Variants in GRK5 observed in about 807,000 individuals in gnomAD.
GRK5 encodes the protein g protein-coupled receptor kinase GRK5.
GRK5 carries 40 observed loss-of-function variants against 78.4 expected under a neutral mutation model. The ratio of observed to expected loss-of-function variants is 0.51; its 90% confidence interval spans 0.40 to 0.66. GRK5 has a LOEUF of 0.66. Ranked by LOEUF, GRK5 falls within the 30% of genes least tolerant of loss-of-function variation. GRK5 has a pLI of 0.00. For missense variants in GRK5, 598 were observed against 759.9 expected, an observed-to-expected ratio of 0.79 and a Z score of 2.50; for synonymous variants, 289 against 296.8, an observed-to-expected ratio of 0.97 and a Z score of 0.27.
intron 3 of GRK5, among the ~76,000 whole-genome samples, chr10:119,382,976 C>T (rs1851737734): frequency 6.6e-6 from 1 of 151,946 alleles, no homozygotes; most frequent in Non-Finnish European, 1.5e-5. Flanking sequence ...GGCTGGAGTA[C>T]AGTGGTGCGA....
At chr10:119,433,261 G>A (rs889104523) in intron 8 of GRK5, among the ~76,000 whole-genome samples, 15 of 152,094 alleles carry the variant, frequency 9.9e-5, no homozygotes, top group African/African-American at 1.9e-4. Context: ...TTTCAGCTGC[G>A]GGCCTTCTTG....
At chr10:119,256,053 A>G (rs143869676) in intron 1 of GRK5, among the ~76,000 whole-genome samples, 1 of 152,126 alleles carries the variant, frequency 6.6e-6, no homozygotes, top group Non-Finnish European at 1.5e-5. Context: ...TAGTTATTCA[A>G]GCAAACCAGT....
intron 1 of GRK5, among the ~76,000 whole-genome samples, chr10:119,302,637 G>T (rs1229530308): frequency 2.6e-5 from 4 of 152,186 alleles, no homozygotes; most frequent in African/African-American, 9.7e-5. Context: ...GGTTTGTCAG[G>T]CCTCAAGCCA....
intron 4 of GRK5, among the ~76,000 whole-genome samples, chr10:119,421,464 C>T (rs574125898): frequency 1.3e-5 from 2 of 152,342 alleles, no homozygotes; most frequent in Admixed American, 6.5e-5. Flanking sequence ...GGTCAGAGGC[C>T]GGGCCAGAGC....
In GRK5 at chr10:119,331,014, C is replaced by T. The variant is rs146225285; in HGVS notation, c.148+4403C>T. Among the ~76,000 whole-genome samples the T allele has an allele frequency of 2.8e-3, 424 of 152,308 alleles. 4 individuals are homozygous for T. Among genetic ancestry groups the T allele is most frequent in the Middle Eastern group, 0.01 (3 of 294 alleles). On this transcript the variant is annotated intron_variant, in intron 2 of 15. Coordinates refer to ENST00000392870, the MANE Select transcript of GRK5 (RefSeq NM_005308.3). ...AAGCTTCCAGGCATTGCCCTGGGAG[C>T]ACCTGAGTGTCCCTCAGCTTCCAGT... is the stretch of plus-strand genomic sequence containing the variant.
intron 1 of GRK5, among the ~76,000 whole-genome samples, chr10:119,302,583 A>C (rs971927325): frequency 6.6e-6 from 1 of 152,126 alleles, no homozygotes; most frequent in Non-Finnish European, 1.5e-5. Flanking sequence ...CCACATTTCT[A>C]CCTGCTCCCC....
At chr10:119,454,712 C>T (rs1256891916) in intron 15 of GRK5, among the ~76,000 whole-genome samples, 3 of 152,216 alleles carry the variant, frequency 2.0e-5, no homozygotes, top group Non-Finnish European at 4.4e-5. Flanking sequence ...AGCGTAACCC[C>T]ATGCCTGCAG....
At chr10:119,308,244 A>G (rs573572469) in intron 1 of GRK5, among the ~76,000 whole-genome samples, 91 of 152,266 alleles carry the variant, frequency 6.0e-4, no homozygotes, top group African/African-American at 2.2e-3. Flanking sequence ...GATCAGGGTC[A>G]GGCCCCCATC....
At chr10:119,446,545 C>T (rs1422400392) in intron 12 of GRK5, among the ~76,000 whole-genome samples, 1 of 150,082 alleles carries the variant, frequency 6.7e-6, no homozygotes, top group African/African-American at 2.4e-5. Context: ...GGAGACTTGC[C>T]TCTGAGGGAC....
intron 3 of GRK5, among the ~76,000 whole-genome samples, chr10:119,382,076 A>AACAGGTAATGTCTCAG (rs1851719512): frequency 6.6e-6 from 1 of 152,122 alleles, no homozygotes; most frequent in Non-Finnish European, 1.5e-5. Context: ...TAGTCACCCG[A>AACAGGTAATGTCTCAG]GCCTGAAATC....
intron 2 of GRK5, among the ~76,000 whole-genome samples, chr10:119,375,885 G>C (rs1851613618): frequency 6.6e-6 from 1 of 152,218 alleles, no homozygotes; most frequent in South Asian, 2.1e-4. Context: ...CCAAAAGCTG[G>C]GGCCTGAGCC....
chr10:119,383,670 C>G (rs1315475485), intron 3 of GRK5, among the ~76,000 whole-genome samples: 3 of 152,228 alleles, frequency 2.0e-5, no homozygotes, highest in Non-Finnish European at 4.4e-5. Context: ...TAGTCATTAT[C>G]CTGACTGATG....
At chr10:119,394,120 GTGTGTGTGTGTGGGTATC>G (rs1851938425) in intron 3 of GRK5, among the ~76,000 whole-genome samples, 1 of 57,100 alleles carries the variant, frequency 1.8e-5, no homozygotes, top group African/African-American at 5.0e-5. Context: ...TGGGGGGTGT[GTGTGTGTGTGTGGGTATC>G]TGTGGGTATG....
intron 2 of GRK5, among the ~76,000 whole-genome samples, chr10:119,355,186 A>G (rs1851247073): frequency 6.6e-6 from 1 of 152,236 alleles, no homozygotes; most frequent in Non-Finnish European, 1.5e-5. Flanking sequence ...CCTGTCAAAT[A>G]TTTTTGATCC....
chr10:119,284,228 A>C (rs75266650), intron 1 of GRK5, among the ~76,000 whole-genome samples: 3,062 of 152,340 alleles, frequency 0.02, 63 homozygotes, highest in Admixed American at 0.054. Flanking sequence ...TAGAAAAGTA[A>C]AAGAGGAACA....
intron 1 of GRK5, among the ~76,000 whole-genome samples, chr10:119,318,634 T>C (rs4752286): frequency 0.69 from 105,319 of 151,926 alleles, 38,104 homozygotes; most frequent in Non-Finnish European, 0.79. Context: ...CTGCTCAGAA[T>C]CCATCATCGC....
chr10:119,335,374 G>GT (rs1850866317), intron 2 of GRK5, among the ~76,000 whole-genome samples: 1 of 151,554 alleles, frequency 6.6e-6, no homozygotes, highest in Non-Finnish European at 1.5e-5. Flanking sequence ...TCCCTTTTTT[G>GT]TTTTTTTGAG....
At chr10:119,374,647 C>G (rs1851596751) in intron 2 of GRK5, among the ~76,000 whole-genome samples, 1 of 152,214 alleles carries the variant, frequency 6.6e-6, no homozygotes, top group African/African-American at 2.4e-5. Context: ...CAGCCAGTTA[C>G]ATTCATTACC....
chr10:119,288,496 C>G (rs1849896288), intron 1 of GRK5, among the ~76,000 whole-genome samples: 1 of 152,214 alleles, frequency 6.6e-6, no homozygotes, highest in African/African-American at 2.4e-5. Flanking sequence ...ATTGTGGGTT[C>G]TTTAGCTACT....
Sources: gnomAD v4.1 joint callset for allele counts (sites outside exome capture counted in the v4.1 genomes callset) on GRCh38, gnomAD v4.1.1 for gene constraint, MANE v1.5 for transcripts, NCBI Gene and HGNC (gene_info 2026-07-23, HGNC 2026-07-21) for gene names.